Variants in ANKS1A observed in about 807,000 individuals in gnomAD.
ANKS1A encodes the protein ankyrin repeat and SAM domain-containing protein 1A.
Under a neutral mutation model 120.3 loss-of-function variants are expected in ANKS1A, and 55 were observed. The ratio of observed to expected loss-of-function variants is 0.46; its 90% CI spans 0.37 to 0.57. The LOEUF (loss-of-function observed/expected upper bound fraction) is 0.57, where lower values mean the gene tolerates loss of function less well. ANKS1A is among the 20% of genes least tolerant of loss of function. The pLI is 0.00. For missense variants in ANKS1A, 1,123 were observed against 1,480.3 expected (o/e 0.76, Z 3.96); for synonymous variants, 590 against 604.7 (o/e 0.98, Z 0.36).
rs572149990 is a variant in ANKS1A, at chr6:35,044,265, T to C, written c.2011-9834T>C. On this transcript the variant is annotated intron_variant, in intron 11 of 23. Coordinates refer to ENST00000360359, the MANE Select transcript of ANKS1A (RefSeq NM_015245.3). This position sits in a 1 kb window ranked among gnomAD's most constrained non-coding sequence, Gnocchi z 4.4. ...GGCATGCAGTTAGCTCGCTGGCAGA[T>C]CACTTAAGCGGAGGTCAATAACAGG... Among the ~76,000 whole-genome samples the C allele has an allele frequency of 6.6e-6, 1 of 152,320 alleles. No homozygotes were observed. Among genetic ancestry groups the C allele is most frequent in the African/African-American group, 2.4e-5 (1 of 41,572 alleles).
chr6:34,929,104 A>G (rs1768851356), intron 1 of ANKS1A, among the ~76,000 whole-genome samples: 1 of 152,210 alleles, frequency 6.6e-6, no homozygotes. Flanking sequence ...AACCTTTTCT[A>G]TAAGGTGAAG....
Position 35,082,866 on chromosome 6 carries a change from G to T in ANKS1A, c.2835+50G>T, listed in dbSNP as rs370369604. 2.6e-5 allele frequency: 41 copies of T among 1,580,604 alleles called. No individual in the cohort carries two copies. In the African/African-American group the frequency reaches 4.7e-4, roughly 18 times the overall value. On this transcript the variant is annotated intron_variant, in intron 18 of 23. Transcript: ENST00000360359. This position sits in a 1 kb window ranked among gnomAD's most constrained non-coding sequence, Gnocchi z 4.1. ...AGGGCCGGCCTCCCTGCTCCTTCTC[G>T]GCCAGGCACCTGCGGCCAAGTCCCA...
intron 9 of ANKS1A, among the ~76,000 whole-genome samples, chr6:34,993,730 TGAG>T (rs969051945): frequency 1.3e-5 from 2 of 152,164 alleles, no homozygotes; most frequent in African/African-American, 2.4e-5. Context: ...GGTTTCCTCT[TGAG>T]GAGGTGGGAA....
At chr6:35,075,705 G>A (rs547277383) in intron 13 of ANKS1A, among the ~76,000 whole-genome samples, 40 of 152,170 alleles carry the variant, frequency 2.6e-4, no homozygotes, top group Non-Finnish European at 4.3e-4. Context: ...GAGCCACCGC[G>A]CCTGGCCAAA....
At chr6:34,970,307 T>A in intron 3 of ANKS1A, 141 bp downstream of exon 3, 1 of 931,620 alleles carries the variant, frequency 1.1e-6, no homozygotes, top group Non-Finnish European at 1.6e-6. Context: ...TTCCTTAGCA[T>A]GGAACCACCT....
intron 16 of ANKS1A, among the ~76,000 whole-genome samples, chr6:35,080,300 G>A (rs972989744): frequency 1.2e-4 from 18 of 152,344 alleles, no homozygotes; most frequent in Middle Eastern, 3.4e-3. Context: ...CCAGGCTGGG[G>A]TGGCTAAGAC....
chr6:35,046,537 G>T (rs114863958), intron 11 of ANKS1A, among the ~76,000 whole-genome samples: 1 of 152,146 alleles, frequency 6.6e-6, no homozygotes, highest in South Asian at 2.1e-4. Flanking sequence ...GACTTGAGTA[G>T]TGAATCCCTG....
chr6:35,054,072 T>C (rs750053359), intron 11 of ANKS1A, 27 bp from the exon 12 acceptor site: 1 of 1,607,040 alleles, frequency 6.2e-7, no homozygotes, highest in Admixed American at 1.7e-5. Flanking sequence ...TGACTGCCTC[T>C]CCTCTTTGTT....
chr6:35,039,882 G>A (rs1775370678), intron 11 of ANKS1A, among the ~76,000 whole-genome samples: 1 of 152,232 alleles, frequency 6.6e-6, no homozygotes, highest in Admixed American at 6.5e-5. Flanking sequence ...AGGCTGGGAA[G>A]TCCAAGATCA....
At chr6:34,894,428 G>C (rs561030590) in intron 1 of ANKS1A, among the ~76,000 whole-genome samples, 36 of 152,304 alleles carry the variant, frequency 2.4e-4, no homozygotes, top group Non-Finnish European at 4.6e-4. Context: ...GAGGCAGCTG[G>C]ATCACTTGAG....
chr6:34,965,266 A>G (rs1490388782), intron 1 of ANKS1A, among the ~76,000 whole-genome samples: 2 of 152,146 alleles, frequency 1.3e-5, no homozygotes, highest in Non-Finnish European at 2.9e-5. Flanking sequence ...TTACATAGCA[A>G]TGTAACTGGT....
Position 34,983,141 on chromosome 6 carries a change from T to G in ANKS1A, c.837T>G (p.His279Gln). Residue 279 changes from histidine to glutamine, a missense_variant, in exon 6 of 24, where the codon CAT (histidine) becomes CAG (glutamine). By Grantham distance (24) the His-to-Gln change is conservative (BLOSUM62 0). Around this residue, in one of 3 missense-constraint regions of ANKS1A, gnomAD observed 904 missense variants for 1,130.4 expected, o/e 0.80. Coordinates refer to ENST00000360359, the MANE Select transcript of ANKS1A (RefSeq NM_015245.3). ...AGTDVNIKDN[H>Q]GLTALDTVRE... ...CTGACGTCAACATAAAAGATAACCA[T>G]GGACTGACTGCCCTAGACACTGTTC... 6.2e-7 allele frequency: 1 copy of G among 1,614,148 alleles called. No individual in the cohort carries two copies. Among genetic ancestry groups the G allele is most frequent in the Admixed American group, 1.7e-5 (1 of 60,022 alleles).
At chr6:34,933,612 C>A (rs529983172) in intron 1 of ANKS1A, among the ~76,000 whole-genome samples, 1 of 152,160 alleles carries the variant, frequency 6.6e-6, no homozygotes. Context: ...TTAGGTGATC[C>A]GCCCGCCTCA....
chr6:34,991,757 TATATATATACACATATATATACACAC>T (rs1772578790), intron 9 of ANKS1A, among the ~76,000 whole-genome samples: 13 of 28,030 alleles, frequency 4.6e-4, no homozygotes, highest in Non-Finnish European at 1.3e-3. Flanking sequence ...TATACACACA[TATATATATACACATATATATACACAC>T]ATATATATAT....
Position 35,082,189 on chromosome 6 carries a change from C to G in ANKS1A, c.2710-502C>G, listed in dbSNP as rs1425262874. On this transcript the variant is annotated intron_variant, in intron 17 of 23. Coordinates refer to ENST00000360359, the MANE Select transcript of ANKS1A (RefSeq NM_015245.3). This position sits in a 1 kb window ranked among gnomAD's most constrained non-coding sequence, Gnocchi z 4.1. ...TCACCTGGACCGCAGTGGCCTCCCC[C>G]ACCCCCTAGCTGCTGCCAGAAGGAT... 6.6e-6 allele frequency among the ~76,000 whole-genome samples: 1 copy of G among 152,098 alleles called. No individual in the cohort carries two copies. The highest frequency in any genetic ancestry group is 6.5e-5 in the Admixed American group (1 of 15,280).
chr6:35,024,667 A>G (rs1435110528), intron 11 of ANKS1A, among the ~76,000 whole-genome samples: 1 of 152,174 alleles, frequency 6.6e-6, no homozygotes, highest in Non-Finnish European at 1.5e-5. Context: ...TGAGAAGTGA[A>G]GTGGCAGCAA....
At chr6:34,922,694 C>CTTTTTTTT (rs61568974) in intron 1 of ANKS1A, among the ~76,000 whole-genome samples, 2 of 127,834 alleles carry the variant, frequency 1.6e-5, no homozygotes, top group Non-Finnish European at 1.6e-5. Flanking sequence ...CTGGGCATTT[C>CTTTTTTTT]TTTTTTTTTT....
intron 1 of ANKS1A, among the ~76,000 whole-genome samples, chr6:34,911,007 C>T (rs1767883907): frequency 1.3e-5 from 2 of 152,000 alleles, no homozygotes; most frequent in Non-Finnish European, 2.9e-5. Context: ...TTTTTTCCCT[C>T]TCTAGTAGAA....
rs1772382052 is a variant in ANKS1A, at chr6:34,989,216, T to A, written c.1210-8T>A. 6.2e-7 allele frequency: 1 copy of A among 1,612,402 alleles called. No individual in the cohort carries two copies. The highest frequency in any genetic ancestry group is 8.5e-7 in the Non-Finnish European group (1 of 1,179,448). ...ATCGCAAAATATTTATTTTTTTCTC[T>A]TCTGCAGAGGGAACGTCCACCACCT... On this transcript the variant is annotated splice_region_variant and splice_polypyrimidine_tract_variant and intron_variant, in intron 8 of 23. Coordinates refer to ENST00000360359, the MANE Select transcript of ANKS1A (RefSeq NM_015245.3).
Sources: allele counts gnomAD v4.1 joint callset (sites outside exome capture counted in the v4.1 genomes callset), GRCh38; gene constraint gnomAD v4.1.1; regional missense constraint gnomAD v4.1.1; non-coding constraint Gnocchi (gnomAD v3.1); transcripts MANE v1.5; gene names NCBI Gene and HGNC (gene_info 2026-07-23, HGNC 2026-07-21).